PRAMEF4: variants seen among roughly 807,000 people sequenced by gnomAD.
PRAMEF4 encodes PRAME family member 4, also known as RP5-845O24.6.
PRAMEF4 carries 18 observed loss-of-function variants against 34.4 expected under a neutral mutation model. The observed-to-expected ratio is 0.52, with a 90% confidence interval of 0.36 to 0.78. The LOEUF is 0.78. Ranked by LOEUF, PRAMEF4 falls within the 30% of genes least tolerant of loss-of-function variation. The probability of loss-of-function intolerance (pLI) is 0.00; values close to 1 mark genes in which losing one functional copy is unlikely to be tolerated. For synonymous variants in PRAMEF4, 156 were observed against 219.3 expected (o/e 0.71, Z 2.55); for missense variants, 482 against 569.1 (o/e 0.85, Z 1.56).
chr1:12,881,741 G>T (rs1380122988), intron 3 of PRAMEF4, 113 bp downstream of exon 3: 2 of 1,500,010 alleles, frequency 1.3e-6, no homozygotes, highest in Non-Finnish European at 1.8e-6. Flanking sequence ...GGACATTCTA[G>T]TGTCCCCTTC....
chr1:12,882,518 C>A, intron 2 of PRAMEF4, 83 bp from the exon 3 acceptor site: 1 of 1,539,842 alleles, frequency 6.5e-7, no homozygotes, highest in Non-Finnish European at 8.8e-7. Context: ...CAGCTCCTCC[C>A]CTCCCTGCTT....
At position 12,884,515 on chromosome 1, in the gene PRAMEF4, G is replaced by C. The variant is rs9726462; in HGVS notation, c.-16-1105C>G. 5.5e-4 allele frequency among the ~76,000 whole-genome samples: 82 copies of C among 148,180 alleles called. 5 individuals carry two copies. The highest frequency in any genetic ancestry group is 2.0e-3 in the African/African-American group (80 of 39,914). ...GGATCATCTGAGATCAGGAATTCAA[G>C]ACGAGCCTGGCCAACATGGTAAAAC... is the stretch of plus-strand genomic sequence containing the variant. On this transcript the variant is annotated intron_variant, in intron 1 of 3. Coordinates refer to ENST00000235349, the MANE Select transcript of PRAMEF4 (RefSeq NM_001009611.4).
Position 12,879,321 on chromosome 1 carries a change from T to C in PRAMEF4, c.*223A>G. On this transcript the variant is annotated 3_prime_UTR_variant, in exon 4 of 4. Transcript: ENST00000235349. ...TCCACTCTAGACATTCAGATTCCCATTTTCGACTCTACAGGACACAGGTCC... is the reference window on the plus strand; with the variant it reads ...TCCACTCTAGACATTCAGATTCCCACTTTCGACTCTACAGGACACAGGTCC... 1.3e-6 allele frequency: 1 copy of C among 753,774 alleles called. No individual in the cohort carries two copies. Among genetic ancestry groups the C allele is most frequent in the Non-Finnish European group, 2.1e-6 (1 of 482,594 alleles). The allele number at this position is 753,774 out of a possible 1,614,324, so 46.7% of individuals were successfully genotyped here. A position where few individuals can be genotyped will look rare whatever the true frequency, so the allele number is the denominator to read the frequency against.
intron 3 of PRAMEF4, among the ~76,000 whole-genome samples, chr1:12,880,922 G>A (rs200888340): frequency 0.016 from 2,253 of 139,994 alleles, 14 homozygotes; most frequent in East Asian, 0.077. Flanking sequence ...GAGCTCAAAA[G>A]AAACTTTTAC....
chr1:12,884,029 G>C (rs1340472514), intron 1 of PRAMEF4, among the ~76,000 whole-genome samples: 1 of 143,124 alleles, frequency 7.0e-6, no homozygotes, highest in African/African-American at 2.6e-5. Flanking sequence ...CACTCTTTCT[G>C]ACAGAGTCTT....
At chr1:12,884,684 C>T (rs541383948) in intron 1 of PRAMEF4, among the ~76,000 whole-genome samples, 16 of 147,698 alleles carry the variant, frequency 1.1e-4, no homozygotes, top group Non-Finnish European at 1.6e-4. Context: ...CACTCCACTC[C>T]AGCCTGGGAA....
rs1640841599 is a variant in PRAMEF4, at chr1:12,879,422, T to G, written c.*122A>C. 2 of 697,946 alleles carry G rather than the reference T, an allele frequency of 2.9e-6. No homozygotes were observed. The highest frequency in any genetic ancestry group is 5.4e-5 in the East Asian group (2 of 37,150). The allele number at this position is 697,946 out of a possible 1,614,324, so 43.2% of individuals were successfully genotyped here. A position where few individuals can be genotyped will look rare whatever the true frequency, so the allele number is the denominator to read the frequency against. ...CTTGATCAGCTTTCCTTTCCCACTT[T>G]CAGAGCCTATGTGTGAAATGATGGG... On this transcript the variant is annotated 3_prime_UTR_variant, in exon 4 of 4. Coordinates refer to ENST00000235349, the MANE Select transcript of PRAMEF4 (RefSeq NM_001009611.4).
At chr1:12,885,835 C>T (rs1232274597) in intron 1 of PRAMEF4, among the ~76,000 whole-genome samples, 2 of 142,100 alleles carry the variant, frequency 1.4e-5, no homozygotes, top group Non-Finnish European at 3.0e-5. Context: ...TCATGTTGTC[C>T]AGGTTGGTCT....
Position 12,883,902 on chromosome 1 carries a change from T to TTCCCTCTC in PRAMEF4, c.-16-500_-16-493dup, listed in dbSNP as rs1640943423. On this transcript the variant is annotated intron_variant, in intron 1 of 3. Coordinates refer to ENST00000235349, the MANE Select transcript of PRAMEF4 (RefSeq NM_001009611.4). Reference sequence around the variant, plus strand: ...TTCTCTCTCTTTCTTCTTTCCTTCTTTCCCTCTCTCCCTCCCTTCTTTCTT... The same window carrying TTCCCTCTC: ...TTCTCTCTCTTTCTTCTTTCCTTCTTTCCCTCTCTCCCTCTCTCCCTCCCTTCTTTCTT... Among the ~76,000 whole-genome samples the TTCCCTCTC allele has an allele frequency of 1.4e-5, 2 of 143,538 alleles. 1 individual carries two copies. The highest frequency in any genetic ancestry group is 1.5e-4 in the Admixed American group (2 of 13,680). 94.2% of individuals were successfully genotyped at this position (143,538 alleles called of 152,430 possible). A position where few individuals can be genotyped will look rare whatever the true frequency, so the allele number is the denominator to read the frequency against.
intron 1 of PRAMEF4, among the ~76,000 whole-genome samples, chr1:12,885,288 A>G (rs1411220583): frequency 5.3e-5 from 8 of 149,592 alleles, no homozygotes; most frequent in African/African-American, 2.0e-4. Flanking sequence ...CACCCCCCAC[A>G]GCCATGCCTC....
In PRAMEF4 at chr1:12,881,708, G is replaced by A. The variant is rs1171922726; in HGVS notation, c.875+146C>T. On this transcript the variant is annotated intron_variant, in intron 3 of 3. Transcript: ENST00000235349. ...GTTGCATGATACCCATTTCAGGACAGGGCCGCCCACAGGACAATGCATGGA... is the reference window on the plus strand; with the variant it reads ...GTTGCATGATACCCATTTCAGGACAAGGCCGCCCACAGGACAATGCATGGA... The A allele has an allele frequency of 2.9e-6, 4 of 1,372,970 alleles. 1 individual carries two copies. The highest frequency in any genetic ancestry group is 1.3e-5 in the South Asian group (1 of 75,536). The allele number at this position is 1,372,970 out of a possible 1,614,324, so 85.0% of individuals were successfully genotyped here.
intron 1 of PRAMEF4, among the ~76,000 whole-genome samples, chr1:12,883,799 C>T (rs5029853): frequency 1.4e-5 from 2 of 146,916 alleles, no homozygotes; most frequent in African/African-American, 2.5e-5. Context: ...TACAAATAAG[C>T]TTGTTGGGAA....
At chr1:12,883,550 T>C in intron 1 of PRAMEF4, 140 bp from the exon 2 acceptor site, 2 of 1,203,348 alleles carry the variant, frequency 1.7e-6, no homozygotes, top group South Asian at 1.5e-5. Flanking sequence ...CTGTACTCAG[T>C]GGCCATTAAG....
chr1:12,885,584 C>A (rs374691579), intron 1 of PRAMEF4, among the ~76,000 whole-genome samples: 23 of 146,812 alleles, frequency 1.6e-4, no homozygotes, highest in East Asian at 5.9e-4. Context: ...TGTTCGAGAC[C>A]AACCTGGCCA....
intron 1 of PRAMEF4, among the ~76,000 whole-genome samples, chr1:12,884,865 A>G (rs996535269): frequency 2.7e-5 from 4 of 150,214 alleles, no homozygotes; most frequent in Non-Finnish European, 4.4e-5. Context: ...TCCAGGACTC[A>G]TTCACTGATT....
chr1:12,881,146 A>T (rs1041152122), intron 3 of PRAMEF4, among the ~76,000 whole-genome samples: 2 of 148,086 alleles, frequency 1.4e-5, no homozygotes, highest in African/African-American at 2.5e-5. Context: ...TGGGTGGATC[A>T]CCTGAAGTCA....
At position 12,881,103 on chromosome 1, in the gene PRAMEF4, C is replaced by T. The variant is rs184360100; in HGVS notation, c.875+751G>A. On this transcript the variant is annotated intron_variant, in intron 3 of 3. Coordinates refer to ENST00000235349, the MANE Select transcript of PRAMEF4 (RefSeq NM_001009611.4). ...CTTGTTGGCTGGGCGTGGTAGCTCT[C>T]GCCTATAATCCCAGCACTTTGGGAG... 5.6e-3 allele frequency among the ~76,000 whole-genome samples: 828 copies of T among 148,168 alleles called. 96 individuals carry two copies. The highest frequency in any genetic ancestry group is 0.02 in the African/African-American group (777 of 39,560).
rs549477684 is a variant in PRAMEF4 at position 12,883,174 on chromosome 1, A to G, written c.221T>C (p.Met74Thr). 7 of 1,601,020 alleles carry G rather than the reference A, an allele frequency of 4.4e-6. No homozygotes were observed. Among genetic ancestry groups the G allele is most frequent in the Middle Eastern group, 1.8e-4 (1 of 5,574 alleles). The stretch of plus-strand genomic sequence containing the variant: ...AGCTTGGAAGGCCTCCAGACAAGGC[A>G]TCTTTATCAGAGGCCTCAGAGGGAG... ...RRLPLRPLIK[M>T]PCLEAFQAVL... is the part of the protein sequence containing the mutation. Residue 74 changes from methionine (M) to threonine (T), a missense_variant, in exon 2 of 4, where the codon ATG becomes ACG. By Grantham distance (81) the Met-to-Thr change is moderately conservative. Around this residue, in one of 6 missense-constraint regions of PRAMEF4, gnomAD observed 172 missense variants for 130.2 expected, o/e 1.32. Coordinates refer to ENST00000235349, the MANE Select transcript of PRAMEF4 (RefSeq NM_001009611.4).
At chr1:12,885,186 G>A (rs573869699) in intron 1 of PRAMEF4, among the ~76,000 whole-genome samples, 31 of 150,560 alleles carry the variant, frequency 2.1e-4, no homozygotes, top group African/African-American at 7.3e-4. Flanking sequence ...CTGGAGTGCA[G>A]TGGCACCATC....
Sources: gnomAD v4.1 joint callset for allele counts (sites outside exome capture counted in the v4.1 genomes callset) on GRCh38, gnomAD v4.1.1 for gene constraint, gnomAD v4.1.1 regional missense constraint, MANE v1.5 for transcripts, NCBI Gene and HGNC (gene_info 2026-07-23, HGNC 2026-07-21) for gene names.